The following PRTG variants were observed in gnomAD, a reference collection of about 807,000 sequenced individuals.
PRTG encodes the protein protogenin.
Under a neutral mutation model 122.5 loss-of-function variants are expected in PRTG, and 67 were observed. That is an observed-to-expected ratio of 0.55 (90% CI 0.45 to 0.67). PRTG has a LOEUF of 0.67. PRTG is among the 30% of genes least tolerant of loss of function. The pLI is 0.00. For missense variants in PRTG, 1,435 were observed against 1,415.4 expected (o/e 1.01, Z -0.22); for synonymous variants, 554 against 501.1 (o/e 1.11, Z -1.41).
intron 11 of PRTG, chr15:55,655,365 A>T (rs944305044): frequency 2.0e-5 from 3 of 152,210 alleles, no homozygotes; most frequent in Non-Finnish European, 4.4e-5. Context: ...TATGACACAG[A>T]ACCTCAAACA....
intron 15 of PRTG, among the ~76,000 whole-genome samples, chr15:55,629,395 G>GTGTGTGTT (rs1567074793): frequency 5.5e-5 from 6 of 109,382 alleles, no homozygotes; most frequent in Admixed American, 4.9e-4. Flanking sequence ...GTGTGTGTGT[G>GTGTGTGTT]TGTGTGTGTG....
chr15:55,719,818 G>C (rs1046644046), intron 2 of PRTG, among the ~76,000 whole-genome samples: 2 of 152,052 alleles, frequency 1.3e-5, no homozygotes, highest in African/African-American at 4.8e-5. Flanking sequence ...CAGCACTTTC[G>C]GAGGTCGAGG....
At chr15:55,688,819 C>T (rs1291817299) in intron 2 of PRTG, among the ~76,000 whole-genome samples, 1 of 152,110 alleles carries the variant, frequency 6.6e-6, no homozygotes, top group Non-Finnish European at 1.5e-5. Flanking sequence ...GGTGACAGAG[C>T]GAGACTCCAT....
intron 2 of PRTG, among the ~76,000 whole-genome samples, chr15:55,723,768 T>TTTC (rs2030921793): frequency 6.7e-6 from 1 of 149,762 alleles, no homozygotes; most frequent in South Asian, 2.1e-4. Context: ...TTTTTTTTTT[T>TTTC]TGAGTTGGAG....
chr15:55,653,974 AG>A (rs2059367031), intron 11 of PRTG, among the ~76,000 whole-genome samples: 1 of 152,200 alleles, frequency 6.6e-6, no homozygotes, highest in South Asian at 2.1e-4. Flanking sequence ...GTATTACCTT[AG>A]GATGTCTAGA....
chr15:55,692,002 A>C (rs2059605665), intron 2 of PRTG, among the ~76,000 whole-genome samples: 1 of 152,072 alleles, frequency 6.6e-6, no homozygotes, highest in African/African-American at 2.4e-5. Context: ...ACACCACTGC[A>C]CTCCAGCCTG....
chr15:55,621,359 CA>C (rs964672301), intron 18 of PRTG, among the ~76,000 whole-genome samples: 12 of 148,464 alleles, frequency 8.1e-5, no homozygotes, highest in Non-Finnish European at 1.0e-4. Context: ...TCAAAAAAAA[CA>C]AAACAAAACA....
chr15:55,628,285 G>C (rs117295680), intron 16 of PRTG, among the ~76,000 whole-genome samples: 2 of 152,026 alleles, frequency 1.3e-5, no homozygotes, highest in Non-Finnish European at 2.9e-5. Flanking sequence ...TGCTACAGGG[G>C]GCACCAGCTT....
intron 9 of PRTG, among the ~76,000 whole-genome samples, chr15:55,674,527 C>T: frequency 6.6e-6 from 1 of 152,094 alleles, no homozygotes; most frequent in East Asian, 1.9e-4. Context: ...CTAGAGATGT[C>T]ATATATACTG....
chr15:55,729,595 A>T (rs2031159002), intron 2 of PRTG, among the ~76,000 whole-genome samples: 1 of 151,322 alleles, frequency 6.6e-6, no homozygotes, highest in Admixed American at 6.6e-5. Flanking sequence ...GGGAAAAAAA[A>T]TAAAATAAAA....
chr15:55,629,371 A>ATGTGTGTGTGTG lies in PRTG; in HGVS notation c.2624-368_2624-367insCACACACACACA, dbSNP rs1457708289. 1.9e-3 allele frequency among the ~76,000 whole-genome samples: 68 copies of ATGTGTGTGTGTG among 35,530 alleles called. 2 individuals carry two copies. Among genetic ancestry groups the ATGTGTGTGTGTG allele is most frequent in the South Asian group, 7.5e-3 (2 of 266 alleles). The allele number at this position is 35,530 out of a possible 152,430, so 23.3% of individuals were successfully genotyped here. ...TTTGTTTGGCTTTGTATATATATAT[A>ATGTGTGTGTGTG]TATATGTGTGTGTGTGTGTGTGTGT... On this transcript the variant is annotated intron_variant, in intron 15 of 19. Coordinates refer to ENST00000389286, the MANE Select transcript of PRTG (RefSeq NM_173814.6).
intron 2 of PRTG, among the ~76,000 whole-genome samples, chr15:55,698,246 T>C (rs990517828): frequency 3.3e-5 from 5 of 152,222 alleles, no homozygotes; most frequent in African/African-American, 1.2e-4. Context: ...GCCAAGCTAA[T>C]ATCCAATCAG....
chr15:55,616,077 T>C lies in PRTG; in HGVS notation c.*3935A>G, dbSNP rs1012099419. On this transcript the variant is annotated 3_prime_UTR_variant, in exon 20 of 20. Transcript: ENST00000389286. Reference sequence around the variant, plus strand: ...ATGTGACACTAAGAATCTAATTTCTTTGGTATGGCAAAACTGATTTTTAAA... The same window carrying C: ...ATGTGACACTAAGAATCTAATTTCTCTGGTATGGCAAAACTGATTTTTAAA... 6.6e-6 allele frequency: 1 copy of C among 152,142 alleles called. No individual in the cohort carries two copies. Among genetic ancestry groups the C allele is most frequent in the South Asian group, 2.1e-4 (1 of 4,834 alleles). The allele number at this position is 152,142 out of a possible 1,614,324, so 9.4% of individuals were successfully genotyped here.
intron 2 of PRTG, among the ~76,000 whole-genome samples, chr15:55,738,016 A>C (rs1373983289): frequency 7.4e-5 from 8 of 107,548 alleles, no homozygotes; most frequent in African/African-American, 1.3e-4. Flanking sequence ...ATATATATAT[A>C]TATATATATA....
At chr15:55,637,658 A>G (rs2059265403) in intron 14 of PRTG, among the ~76,000 whole-genome samples, 1 of 152,096 alleles carries the variant, frequency 6.6e-6, no homozygotes, top group Non-Finnish European at 1.5e-5. Flanking sequence ...TGTCCATCAG[A>G]TATTGGGTTT....
At chr15:55,649,473 T>C (rs559635256) in intron 11 of PRTG, among the ~76,000 whole-genome samples, 4 of 151,940 alleles carry the variant, frequency 2.6e-5, no homozygotes, top group African/African-American at 9.7e-5. Context: ...ACAACAACAA[T>C]AGTAATATAC....
Position 55,627,133 on chromosome 15 carries a change from A to G in PRTG, c.2807-5T>C. 6.4e-7 allele frequency: 1 copy of G among 1,573,498 alleles called. No homozygotes were observed. The highest frequency in any genetic ancestry group is 8.7e-7 in the Non-Finnish European group (1 of 1,152,414). ...GATGGTAATATCCTGAATAAACTAG[A>G]AGGGAAAACACATTTACTCAGAATC... is the stretch of plus-strand genomic sequence containing the variant. On this transcript the variant is annotated splice_region_variant and splice_polypyrimidine_tract_variant and intron_variant, in intron 16 of 19. Transcript: ENST00000389286.
chr15:55,703,409 C>A (rs997184927), intron 2 of PRTG, among the ~76,000 whole-genome samples: 10 of 152,114 alleles, frequency 6.6e-5, no homozygotes, highest in Non-Finnish European at 1.3e-4. Flanking sequence ...GGAGCCCACC[C>A]TAACGAGATC....
intron 13 of PRTG, among the ~76,000 whole-genome samples, chr15:55,639,154 T>C (rs1567078741): frequency 1.3e-5 from 2 of 152,262 alleles, no homozygotes; most frequent in East Asian, 1.9e-4. Flanking sequence ...AAAAATATTT[T>C]TGGAGAGATG....
Sources: gnomAD v4.1 joint callset for allele counts (sites outside exome capture counted in the v4.1 genomes callset) on GRCh38, gnomAD v4.1.1 for gene constraint, MANE v1.5 for transcripts, NCBI Gene and HGNC (gene_info 2026-07-23, HGNC 2026-07-21) for gene names.